Variants in MBD5 observed in about 807,000 individuals in gnomAD.
MBD5 encodes the protein methyl-CpG-binding domain protein 5.
A neutral mutation model predicts 117.3 loss-of-function variants in MBD5; 13 were observed. The observed-to-expected ratio is 0.11, with a 90% confidence interval of 0.07 to 0.18. The LOEUF (loss-of-function observed/expected upper bound fraction) is 0.18. MBD5 is among the 10% of genes least tolerant of loss of function. The pLI, the probability that MBD5 is intolerant of heterozygous loss-of-function variation, is 1.00. For synonymous variants in MBD5, 727 were observed against 766.4 expected (o/e 0.95, Z 0.85); for missense variants, 1,879 against 2,093.8 (o/e 0.90, Z 2.00).
intron 3 of MBD5, among the ~76,000 whole-genome samples, chr2:148,284,655 T>C (rs964561716): frequency 6.6e-6 from 1 of 152,186 alleles, no homozygotes; most frequent in Admixed American, 6.5e-5. Flanking sequence ...TACTGCCACC[T>C]TTAAGATGCT....
At chr2:148,141,046 ACAGGTGTC>A (rs1697300485) in intron 1 of MBD5, among the ~76,000 whole-genome samples, 1 of 152,208 alleles carries the variant, frequency 6.6e-6, no homozygotes, top group African/African-American at 2.4e-5. Flanking sequence ...TGCTGGGATT[ACAGGTGTC>A]AGGCACCGCG....
intron 1 of MBD5, among the ~76,000 whole-genome samples, chr2:148,063,104 C>T (rs1312806200): frequency 6.6e-6 from 1 of 151,996 alleles, no homozygotes; most frequent in Non-Finnish European, 1.5e-5. Flanking sequence ...CTCTTGCGTA[C>T]TAATTAATAA....
In MBD5 at chr2:148,144,213, T is replaced by C. The variant is rs544609970; in HGVS notation, c.-924-34487T>C. 2.6e-5 allele frequency among the ~76,000 whole-genome samples: 4 copies of C among 152,056 alleles called. No individual in the cohort carries two copies. In the East Asian group the frequency reaches 5.8e-4, roughly 22 times the overall value. On this transcript the variant is annotated intron_variant, in intron 1 of 13. Coordinates refer to ENST00000642680, the MANE Select transcript of MBD5 (RefSeq NM_001378120.1). ...TGATGGCCAGTGATGATGAGCATTTTTTCATGTGTCTGTTGGCTGCATAAA... is the reference window on the plus strand; with the variant it reads ...TGATGGCCAGTGATGATGAGCATTTCTTCATGTGTCTGTTGGCTGCATAAA...
intron 4 of MBD5, among the ~76,000 whole-genome samples, chr2:148,439,799 T>C (rs6726205): frequency 0.61 from 91,775 of 149,972 alleles, 29,174 homozygotes; most frequent in African/African-American, 0.79. Context: ...AGTGCAGTGG[T>C]ATGATCATAG....
chr2:148,046,108 C>G (rs928573742), intron 1 of MBD5, among the ~76,000 whole-genome samples: 1 of 151,010 alleles, frequency 6.6e-6, no homozygotes, highest in Non-Finnish European at 1.5e-5. Context: ...CTCAGCCCCT[C>G]GAGTAGCTGG....
At chr2:148,482,669 A>G (rs1306836689) in intron 8 of MBD5, among the ~76,000 whole-genome samples, 1 of 152,168 alleles carries the variant, frequency 6.6e-6, no homozygotes, top group Non-Finnish European at 1.5e-5. Context: ...AGGAAGTAGT[A>G]GTTTTATAAA....
Position 148,515,557 on chromosome 2 carries a change from A to G in MBD5, c.*2616A>G, listed in dbSNP as rs532625080. The G allele has an allele frequency of 2.0e-5, 3 of 152,258 alleles. No individual in the cohort carries two copies. Among genetic ancestry groups the G allele is most frequent in the Admixed American group, 1.3e-4 (2 of 15,290 alleles). 9.4% of individuals were successfully genotyped at this position (152,258 alleles called of 1,614,324 possible). A position where few individuals can be genotyped will look rare whatever the true frequency, so the allele number is the denominator to read the frequency against. ...TAAAAAATTGGTCACTCGCACTTCA[A>G]TTTTGCCCATAGAGCCATTTCTTTG... On this transcript the variant is annotated 3_prime_UTR_variant, in exon 14 of 14. Transcript: ENST00000642680.
intron 2 of MBD5, among the ~76,000 whole-genome samples, chr2:148,187,476 T>A (rs1458536393): frequency 1.3e-5 from 2 of 152,150 alleles, no homozygotes; most frequent in Non-Finnish European, 2.9e-5. Context: ...CAAGTTCATT[T>A]AACTTCAAAT....
intron 1 of MBD5, among the ~76,000 whole-genome samples, chr2:148,110,346 T>C (rs1035214523): frequency 6.6e-6 from 1 of 152,150 alleles, no homozygotes; most frequent in African/African-American, 2.4e-5. Context: ...TTGTGATTGT[T>C]GACAGGAAAT....
intron 4 of MBD5, among the ~76,000 whole-genome samples, chr2:148,416,895 A>G (rs1185560655): frequency 6.6e-6 from 1 of 152,144 alleles, no homozygotes; most frequent in African/African-American, 2.4e-5. Flanking sequence ...TCTGAGTTAC[A>G]TCACTTAGAA....
rs11402326 is a variant in MBD5 at position 148,130,556 on chromosome 2, T to TAA, written c.-924-48132_-924-48131dup. The stretch of plus-strand genomic sequence containing the variant: ...TAACAAAATACTGGCTGTGTGATAT[T>TAA]AAAAAAAAAAAAATGCACTCTGGGG... On this transcript the variant is annotated intron_variant, in intron 1 of 13. Coordinates refer to ENST00000642680, the MANE Select transcript of MBD5 (RefSeq NM_001378120.1). 6.7e-4 allele frequency among the ~76,000 whole-genome samples: 100 copies of TAA among 149,196 alleles called. 1 individual carries two copies. Among genetic ancestry groups the TAA allele is most frequent in the Middle Eastern group, 3.5e-3 (1 of 286 alleles).
At chr2:148,319,389 G>C (rs532464703) in intron 3 of MBD5, among the ~76,000 whole-genome samples, 29 of 152,120 alleles carry the variant, frequency 1.9e-4, no homozygotes, top group Non-Finnish European at 3.7e-4. Flanking sequence ...ATCCATGAGC[G>C]TAGGATGTTT....
At chr2:148,420,385 T>C (rs1288206515) in intron 4 of MBD5, among the ~76,000 whole-genome samples, 3 of 152,204 alleles carry the variant, frequency 2.0e-5, no homozygotes, top group Non-Finnish European at 2.9e-5. Flanking sequence ...GTCCCCCAAC[T>C]TCAAAACCCA....
chr2:148,057,362 C>A (rs1694896317), intron 1 of MBD5, among the ~76,000 whole-genome samples: 1 of 151,662 alleles, frequency 6.6e-6, no homozygotes, highest in African/African-American at 2.4e-5. Flanking sequence ...CATTAATTAT[C>A]CTTTAAGTAC....
At chr2:148,438,210 C>T (rs1050976750) in intron 4 of MBD5, among the ~76,000 whole-genome samples, 1 of 152,156 alleles carries the variant, frequency 6.6e-6, no homozygotes. Context: ...GGAAGTCATA[C>T]ACAACTGAGA....
intron 3 of MBD5, among the ~76,000 whole-genome samples, chr2:148,241,749 T>G (rs1700220814): frequency 6.6e-6 from 1 of 152,180 alleles, no homozygotes; most frequent in African/African-American, 2.4e-5. Context: ...AAACGTAGAA[T>G]TATATGTTGC....
rs889724683 is a variant in MBD5, at chr2:148,362,049, A to C, written c.-557+19713A>C. Among the ~76,000 whole-genome samples the C allele has an allele frequency of 1.3e-4, 20 of 152,326 alleles. No individual in the cohort carries two copies. The East Asian group carries it at 3.9e-3, about 29-fold the overall frequency. ...ACCAGGGCCCTGGGTTTCAAGCACA[A>C]AACTGGGTGGCCATTTGGGCAAACA... On this transcript the variant is annotated intron_variant, in intron 4 of 13. Transcript: ENST00000642680.
chr2:148,516,844 T>G lies in MBD5; in HGVS notation c.*3903T>G, dbSNP rs2105307015. ...CGGAAAAATGGTTGATTTAATAATT[T>G]GTTATGTAAATACAAAGTTGTCTAT... On this transcript the variant is annotated 3_prime_UTR_variant, in exon 14 of 14. Transcript: ENST00000642680. The G allele has an allele frequency of 6.6e-6, 1 of 152,370 alleles. No homozygotes were observed. Among genetic ancestry groups the G allele is most frequent in the African/African-American group, 2.4e-5 (1 of 41,596 alleles). The allele number at this position is 152,370 out of a possible 1,614,324, so 9.4% of individuals were successfully genotyped here.
chr2:148,353,249 C>T (rs1251478612), intron 4 of MBD5, among the ~76,000 whole-genome samples: 4 of 152,000 alleles, frequency 2.6e-5, no homozygotes, highest in African/African-American at 9.7e-5. Context: ...GGGATTCTGA[C>T]CTTTATCCTA....
Sources: gnomAD v4.1 joint callset for allele counts (sites outside exome capture counted in the v4.1 genomes callset) on GRCh38, gnomAD v4.1.1 for gene constraint, MANE v1.5 for transcripts, NCBI Gene and HGNC (gene_info 2026-07-23, HGNC 2026-07-21) for gene names.